The following GSN variants were observed in gnomAD, a reference collection of about 807,000 sequenced individuals.
GSN encodes the protein gelsolin.
GSN carries 56 observed loss-of-function variants against 85.7 expected under a neutral mutation model. That is an observed-to-expected ratio of 0.65 (90% confidence interval 0.53 to 0.82). The LOEUF (loss-of-function observed/expected upper bound fraction) is 0.82, where lower values mean the gene tolerates loss of function less well. Among genes scored for constraint, GSN ranks in the 40% least tolerant of loss-of-function variants. The pLI, the probability that GSN is intolerant of heterozygous loss-of-function variation, is 0.00. For synonymous variants in GSN, 373 were observed against 399.1 expected (o/e 0.93, Z 0.78); for missense variants, 857 against 979.8 (o/e 0.87, Z 1.67).
At chr9:121,221,909 G>A (rs989207234) in intron 4 of GSN, among the ~76,000 whole-genome samples, 2 of 152,158 alleles carry the variant, frequency 1.3e-5, no homozygotes, top group Non-Finnish European at 2.9e-5. Flanking sequence ...AGAAAAAACA[G>A]GTCTGCTGGG....
chr9:121,243,512 ATTAC>A (rs1328945718), intron 5 of GSN, among the ~76,000 whole-genome samples: 2 of 152,138 alleles, frequency 1.3e-5, no homozygotes, highest in Non-Finnish European at 2.9e-5. Flanking sequence ...AACTAGCAAA[ATTAC>A]TTGTACATTT....
intron 2 of GSN, 31 bp from the exon 3 acceptor site, chr9:121,301,932 C>A: frequency 6.2e-7 from 1 of 1,613,896 alleles, no homozygotes; most frequent in South Asian, 1.1e-5. Context: ...AGGACCCTGC[C>A]CCGCTTAGGC....
intron 5 of GSN, among the ~76,000 whole-genome samples, chr9:121,240,430 T>G (rs989972927): frequency 1.3e-5 from 2 of 152,178 alleles, no homozygotes; most frequent in South Asian, 2.1e-4. Context: ...AGAAAGAGAA[T>G]GTACTGGAAG....
Position 121,302,204 on chromosome 9 carries a change from C to G in GSN, c.196+37C>G, listed in dbSNP as rs764139481. Reference sequence around the variant, plus strand: ...CCTGCCCAGCCCCTGCCCCAGCCCCCATTCTGAACAGTGCAGACCTTTGGG... The same window carrying G: ...CCTGCCCAGCCCCTGCCCCAGCCCCGATTCTGAACAGTGCAGACCTTTGGG... On this transcript the variant is annotated intron_variant, in intron 3 of 17. Transcript: ENST00000432226. 1.9e-6 allele frequency: 3 copies of G among 1,609,492 alleles called. No individual in the cohort carries two copies. The Admixed American group carries it at 5.0e-5, about 27-fold the overall frequency.
At chr9:121,300,838 C>G in intron 2 of GSN, among the ~76,000 whole-genome samples, 1 of 151,972 alleles carries the variant, frequency 6.6e-6, no homozygotes, top group Non-Finnish European at 1.5e-5. Flanking sequence ...CCATTTGGAC[C>G]CTTCTTGGGG....
chr9:121,263,517 G>C (rs2055130888), upstream of GSN, among the ~76,000 whole-genome samples: 1 of 152,116 alleles, frequency 6.6e-6, no homozygotes, highest in Non-Finnish European at 1.5e-5. Context: ...TACAATCATG[G>C]TGGAAAGGGA....
chr9:121,238,890 G>T (rs2054548297), intron 5 of GSN: 2 of 535,284 alleles, frequency 3.7e-6, no homozygotes, highest in African/African-American at 1.9e-5. Flanking sequence ...CCTACAGCTG[G>T]TTACATACAT....
intron 13 of GSN, 173 bp downstream of exon 13, chr9:121,326,855 C>CTGT (rs2063259179): frequency 5.1e-6 from 4 of 776,858 alleles, no homozygotes; most frequent in African/African-American, 3.4e-5. Context: ...TAGACTCCCC[C>CTGT]CTGTTTCAAG....
At chr9:121,271,335 C>T (rs1329868016) in intron 1 of GSN, among the ~76,000 whole-genome samples, 3 of 152,108 alleles carry the variant, frequency 2.0e-5, no homozygotes, top group Non-Finnish European at 4.4e-5. Flanking sequence ...GCCTGGATGA[C>T]AGAACAATAC....
chr9:121,305,850 G>A (rs1027752658), intron 4 of GSN, among the ~76,000 whole-genome samples: 2 of 152,180 alleles, frequency 1.3e-5, no homozygotes, highest in Non-Finnish European at 2.9e-5. Context: ...TTCTCGCCCC[G>A]GCGCCCTCAT....
chr9:121,282,595 G>A lies in GSN; in HGVS notation c.-10+1033G>A, dbSNP rs1308422942. ...GTCCCCAGGATGTTGTGCCCCAAAA[G>A]CCAGGGATTCCCAAAAGGTCTGCCG... On this transcript the variant is annotated intron_variant, in intron 2 of 17. Coordinates refer to ENST00000432226, the MANE Select transcript of GSN (RefSeq NM_198252.3). The A allele has an allele frequency of 3.9e-6, 4 of 1,026,804 alleles. No individual in the cohort carries two copies. The African/African-American group carries it at 6.7e-5, about 17-fold the overall frequency. 63.6% of individuals were successfully genotyped at this position (1,026,804 alleles called of 1,614,324 possible).
exon 2 of GSN, chr9:121,209,362 G>A (rs2053932431): frequency 6.7e-6 from 1 of 150,246 alleles, no homozygotes; most frequent in South Asian, 2.1e-4. Flanking sequence ...ACTGAAACCA[G>A]GACTAAGGAA....
intron 8 of GSN, 159 bp downstream of exon 8, chr9:121,317,377 T>C: frequency 1.3e-6 from 1 of 794,700 alleles, no homozygotes. Context: ...TTTGACATAC[T>C]GTGTGATCTT....
At chr9:121,243,954 C>A (rs1395534114) in intron 5 of GSN, among the ~76,000 whole-genome samples, 1 of 152,174 alleles carries the variant, frequency 6.6e-6, no homozygotes, top group Non-Finnish European at 1.5e-5. Context: ...AAAATGTAGA[C>A]CAGTTTCATC....
Position 121,332,669 on chromosome 9 carries a change from C to A in GSN, c.*66C>A. ...TGGAACTGTCCTTCCCTCAAAGAGGCCTTAGAGCGAGCAGAGCAGCTCTGC... is the reference window on the plus strand; with the variant it reads ...TGGAACTGTCCTTCCCTCAAAGAGGACTTAGAGCGAGCAGAGCAGCTCTGC... On this transcript the variant is annotated 3_prime_UTR_variant, in exon 18 of 18. Coordinates refer to ENST00000432226, the MANE Select transcript of GSN (RefSeq NM_198252.3). This position sits in a 1 kb window ranked among gnomAD's most constrained non-coding sequence, Gnocchi z 4.8. 3 of 1,287,528 alleles carry A rather than the reference C, an allele frequency of 2.3e-6. No individual in the cohort carries two copies. The highest frequency in any genetic ancestry group is 3.8e-5 in the Admixed American group (2 of 52,800). 79.8% of individuals were successfully genotyped at this position (1,287,528 alleles called of 1,614,324 possible).
chr9:121,332,842 G>A lies in GSN; in HGVS notation c.*239G>A, dbSNP rs963152920. On this transcript the variant is annotated 3_prime_UTR_variant, in exon 18 of 18. Coordinates refer to ENST00000432226, the MANE Select transcript of GSN (RefSeq NM_198252.3). The surrounding 1 kb of genome is among the most constrained non-coding windows in gnomAD (Gnocchi z 4.8). ...ATCCAATAAAAACATTTTGAAGTGTGTACTCTAGTGTGGCTCGTTTCCTTG... is the reference window on the plus strand; with the variant it reads ...ATCCAATAAAAACATTTTGAAGTGTATACTCTAGTGTGGCTCGTTTCCTTG... 26 of 524,302 alleles carry A rather than the reference G, an allele frequency of 5.0e-5. No individual in the cohort carries two copies. The highest frequency in any genetic ancestry group is 8.8e-5 in the Non-Finnish European group (26 of 293,964). 32.5% of individuals were successfully genotyped at this position (524,302 alleles called of 1,614,324 possible). A position where few individuals can be genotyped will look rare whatever the true frequency, so the allele number is the denominator to read the frequency against.
intron 6 of GSN, among the ~76,000 whole-genome samples, chr9:121,250,049 G>C (rs1311944371): frequency 6.6e-6 from 1 of 152,204 alleles, no homozygotes; most frequent in East Asian, 1.9e-4. Context: ...AAGCCGGGAT[G>C]TAAGTCTAGC....
chr9:121,232,537 C>A (rs909847186), intron 5 of GSN, among the ~76,000 whole-genome samples: 9 of 152,088 alleles, frequency 5.9e-5, no homozygotes, highest in Non-Finnish European at 1.0e-4. Flanking sequence ...AATTTTGCAA[C>A]CTTTTTAAAA....
intron 6 of GSN, among the ~76,000 whole-genome samples, chr9:121,255,601 A>G (rs917423249): frequency 9.9e-5 from 15 of 152,230 alleles, no homozygotes; most frequent in African/African-American, 3.4e-4. Flanking sequence ...ACATAAAAAT[A>G]TAGATATAGC....
Sources: gnomAD v4.1 joint callset for allele counts (sites outside exome capture counted in the v4.1 genomes callset) on GRCh38, gnomAD v4.1.1 for gene constraint, Gnocchi (gnomAD v3.1) non-coding constraint, MANE v1.5 for transcripts, NCBI Gene and HGNC (gene_info 2026-07-23, HGNC 2026-07-21) for gene names.